Variants in CHD9 observed in about 807,000 individuals in gnomAD.
CHD9 encodes the protein chromodomain helicase DNA binding protein 9, also known as ATP-dependent chromatin remodeler CHD9.
A neutral mutation model predicts 316.1 loss-of-function variants in CHD9; 77 were observed. The observed-to-expected ratio is 0.24, with a 90% CI of 0.20 to 0.29. CHD9 has a LOEUF of 0.29. Ranked by LOEUF, CHD9 falls within the 10% of genes least tolerant of loss-of-function variation. The pLI, the probability that CHD9 is intolerant of heterozygous loss-of-function variation, is 1.00. For missense variants in CHD9, 2,763 were observed against 3,438.1 expected, an observed-to-expected ratio of 0.80 and a Z score of 4.91; for synonymous variants, 1,129 against 1,158.3, an observed-to-expected ratio of 0.97 and a Z score of 0.51.
chr16:53,113,800 G>C (rs961605466), intron 1 of CHD9, among the ~76,000 whole-genome samples: 2 of 152,002 alleles, frequency 1.3e-5, no homozygotes, highest in Non-Finnish European at 2.9e-5. Flanking sequence ...TGAACTCCTA[G>C]GCGTAAGCGA....
intron 31 of CHD9, among the ~76,000 whole-genome samples, chr16:53,305,109 T>C (rs2055836755): frequency 6.6e-6 from 1 of 152,156 alleles, no homozygotes; most frequent in Non-Finnish European, 1.5e-5. Flanking sequence ...TCGCCCAGGC[T>C]GGAGTGCAAT....
chr16:53,212,198 G>C (rs989161935), intron 3 of CHD9, among the ~76,000 whole-genome samples: 1 of 152,018 alleles, frequency 6.6e-6, no homozygotes, highest in African/African-American at 2.4e-5. Flanking sequence ...TCAGGAGATT[G>C]AGACCATCCT....
At chr16:53,250,357 G>A (rs1452187981) in intron 17 of CHD9, 19 of 279,062 alleles carry the variant, frequency 6.8e-5, no homozygotes, top group Non-Finnish European at 6.8e-6. Flanking sequence ...TTAGATATGA[G>A]GTCTCACTAT....
At chr16:53,095,179 T>C (rs2036274733) in intron 1 of CHD9, among the ~76,000 whole-genome samples, 1 of 152,190 alleles carries the variant, frequency 6.6e-6, no homozygotes, top group Non-Finnish European at 1.5e-5. Flanking sequence ...CCTTTGCTCC[T>C]CTAAAAACTA....
intron 1 of CHD9, among the ~76,000 whole-genome samples, chr16:53,134,979 A>G: frequency 6.6e-6 from 1 of 152,208 alleles, no homozygotes; most frequent in Non-Finnish European, 1.5e-5. Context: ...AGTGAAATAA[A>G]AGAACAGAGT....
chr16:53,174,541 T>G (rs1222334638), intron 2 of CHD9, among the ~76,000 whole-genome samples: 1 of 152,312 alleles, frequency 6.6e-6, no homozygotes, highest in East Asian at 1.9e-4. Context: ...AATGTAATCA[T>G]TTCTGTTTTG....
At chr16:53,096,202 C>T (rs1567324526) in intron 1 of CHD9, among the ~76,000 whole-genome samples, 1 of 151,918 alleles carries the variant, frequency 6.6e-6, no homozygotes, top group Non-Finnish European at 1.5e-5. Flanking sequence ...AGATTACCAG[C>T]ATGAGCCACT....
chr16:53,276,425 C>T (rs2052829617), intron 24 of CHD9, among the ~76,000 whole-genome samples: 1 of 152,144 alleles, frequency 6.6e-6, no homozygotes, highest in South Asian at 2.1e-4. Context: ...TTAAGAGAAC[C>T]ATTTTGTACC....
chr16:53,095,532 G>A (rs2036304673), intron 1 of CHD9, among the ~76,000 whole-genome samples: 1 of 151,756 alleles, frequency 6.6e-6, no homozygotes. Flanking sequence ...TTGGGCAACA[G>A]AGCAAGACCC....
chr16:53,285,825 A>G (rs1266496107), intron 25 of CHD9, 126 bp downstream of exon 25: 1 of 538,814 alleles, frequency 1.9e-6, no homozygotes, highest in African/African-American at 1.9e-5. Flanking sequence ...ACAGAATTAA[A>G]AGCATACACT....
chr16:53,127,922 G>A (rs1391723887), intron 1 of CHD9, among the ~76,000 whole-genome samples: 45 of 118,038 alleles, frequency 3.8e-4, no homozygotes, highest in African/African-American at 1.2e-3. Context: ...CAGCCTGGCC[G>A]ACAGAGTGAG....
rs748170864 is a variant in CHD9, at chr16:53,304,378, C to T, written c.6372C>T (p.His2124=). The part of the protein sequence containing the change: ...PNPASKKPRV[H]KRGSESSSDS... ...CAGCTTCTAAGAAACCAAGAGTCCA[C>T]AAAAGGGGATCAGAATCTAGTTCTG... The change falls in exon 31 of 39, where the codon CAC becomes CAT. Residue 2124 remains histidine, a synonymous_variant. Coordinates refer to ENST00000447540, the MANE Select transcript of CHD9 (RefSeq NM_001308319.2). 4 of 1,613,282 alleles carry T rather than the reference C, an allele frequency of 2.5e-6. No individual in the cohort carries two copies. In the South Asian group the frequency reaches 4.4e-5, roughly 18 times the overall value.
intron 3 of CHD9, 46 bp downstream of exon 3, chr16:53,209,859 A>C (rs1413780013): frequency 7.5e-7 from 1 of 1,334,574 alleles, no homozygotes; most frequent in Non-Finnish European, 1.0e-6. Context: ...ATGTTCTGTT[A>C]AAGTTCAAAC....
intron 11 of CHD9, among the ~76,000 whole-genome samples, chr16:53,237,861 C>A (rs768920622): frequency 6.6e-6 from 1 of 151,730 alleles, no homozygotes; most frequent in Non-Finnish European, 1.5e-5. Context: ...TTTGTAAGCT[C>A]TTCTGATGTG....
intron 31 of CHD9, 37 bp downstream of exon 31, chr16:53,304,662 ACTTTTCTTTT>A (rs201143410): frequency 0.011 from 14,309 of 1,263,556 alleles, 82 homozygotes; most frequent in South Asian, 0.021. Context: ...TTTTAACATA[ACTTTTCTTTT>A]CTTTTCTTTT....
rs772030131 is a variant in CHD9, at chr16:53,156,656, G to A, written c.567G>A (p.Gly189=). 4.3e-6 allele frequency: 7 copies of A among 1,613,832 alleles called. No homozygotes were observed. In the South Asian group the frequency reaches 7.7e-5, roughly 18 times the overall value. The change falls in exon 2 of 39, where the codon GGG becomes GGA. Residue 189 remains glycine, a synonymous_variant. Coordinates refer to ENST00000447540, the MANE Select transcript of CHD9 (RefSeq NM_001308319.2). The part of the protein sequence containing the change: ...SQQNRNNLNP[G]QNSLSQSKNF... Reference sequence around the variant, plus strand: ...AAAACAGAAATAATCTCAACCCAGGGCAGAATTCTCTTAGCCAGTCTAAAA... The same window carrying A: ...AAAACAGAAATAATCTCAACCCAGGACAGAATTCTCTTAGCCAGTCTAAAA...
rs947382944 is a variant in CHD9, at chr16:53,254,826, T to G, written c.4029+221T>G. ...ATGAATTCTAAATGTATTTTCAAGATAGAAATTCTTTGCTCTCTTTTTAGG... is the reference window on the plus strand; with the variant it reads ...ATGAATTCTAAATGTATTTTCAAGAGAGAAATTCTTTGCTCTCTTTTTAGG... On this transcript the variant is annotated intron_variant, in intron 18 of 38. Coordinates refer to ENST00000447540, the MANE Select transcript of CHD9 (RefSeq NM_001308319.2). Among the ~76,000 whole-genome samples, 3 of 152,228 alleles carry G rather than the reference T, an allele frequency of 2.0e-5. No individual in the cohort carries two copies. In the East Asian group the frequency reaches 5.8e-4, roughly 29 times the overall value.
chr16:53,209,431 G>A (rs2046151213), intron 2 of CHD9, 51 bp from the exon 3 acceptor site: 2 of 1,209,700 alleles, frequency 1.7e-6, no homozygotes, highest in African/African-American at 1.5e-5. Flanking sequence ...TGTGACAATT[G>A]TTTTAGATGT....
chr16:53,267,509 T>C lies in CHD9; in HGVS notation c.4517+19T>C. 1 of 1,556,026 alleles carries C rather than the reference T, an allele frequency of 6.4e-7. No individual in the cohort carries two copies. The highest frequency in any genetic ancestry group is 8.7e-7 in the Non-Finnish European group (1 of 1,144,474). ...TTTATGGGTAAAACATTGTTTTTAA[T>C]GTTTGCTCTAAGTAGTCTGGTATGT... On this transcript the variant is annotated intron_variant, in intron 21 of 38. Coordinates refer to ENST00000447540, the MANE Select transcript of CHD9 (RefSeq NM_001308319.2).
Sources: allele counts gnomAD v4.1 joint callset (sites outside exome capture counted in the v4.1 genomes callset), GRCh38; gene constraint gnomAD v4.1.1; transcripts MANE v1.5; gene names NCBI Gene and HGNC (gene_info 2026-07-23, HGNC 2026-07-21).